The following GAS7 variants were observed in gnomAD, a reference collection of about 807,000 sequenced individuals.
GAS7 encodes growth arrest specific 7, also known as growth arrest-specific protein 7.
In GAS7, 28 loss-of-function variants were observed where a neutral mutation model predicts 71.1. That is an observed-to-expected ratio of 0.39 (90% confidence interval 0.29 to 0.54). The LOEUF (loss-of-function observed/expected upper bound fraction) is 0.54. GAS7 is among the 20% of genes least tolerant of loss of function. The pLI, the probability that GAS7 is intolerant of heterozygous loss-of-function variation, is 0.62. For synonymous variants in GAS7, 258 were observed against 245.8 expected, an observed-to-expected ratio of 1.05 and a Z score of -0.46; for missense variants, 436 against 627.8, an observed-to-expected ratio of 0.69 and a Z score of 3.27.
At chr17:10,052,724 A>G (rs944903927) in intron 1 of GAS7, among the ~76,000 whole-genome samples, 1 of 152,022 alleles carries the variant, frequency 6.6e-6, no homozygotes. Flanking sequence ...TGGGAGCTTG[A>G]GTTCAACTCT....
At chr17:10,109,450 C>G (rs925058534) in intron 1 of GAS7, among the ~76,000 whole-genome samples, 1 of 152,142 alleles carries the variant, frequency 6.6e-6, no homozygotes, top group African/African-American at 2.4e-5. Flanking sequence ...ATAACAGATA[C>G]TGCCAAGGAT....
chr17:10,183,766 C>T (rs60089575), intron 1 of GAS7, among the ~76,000 whole-genome samples: 8,754 of 152,006 alleles, frequency 0.058, 430 homozygotes, highest in East Asian at 0.17. Context: ...GGCGTGAACC[C>T]AGGAGGCGGA....
At chr17:10,144,448 C>T (rs191679890) in intron 1 of GAS7, among the ~76,000 whole-genome samples, 37 of 152,270 alleles carry the variant, frequency 2.4e-4, no homozygotes, top group Non-Finnish European at 4.3e-4. Flanking sequence ...TAAGATCAAC[C>T]CAAAATGAGT....
chr17:10,181,064 C>T (rs1346232492), intron 1 of GAS7, among the ~76,000 whole-genome samples: 6 of 65,926 alleles, frequency 9.1e-5, no homozygotes, highest in Non-Finnish European at 1.8e-4. Flanking sequence ...TGGGGGGTGG[C>T]AGTGCGGGGG....
At chr17:9,935,393 G>C (rs554266386) in intron 8 of GAS7, among the ~76,000 whole-genome samples, 423 of 152,326 alleles carry the variant, frequency 2.8e-3, no homozygotes, top group Middle Eastern at 0.014. Context: ...ATGATTTGGA[G>C]CTCTTTAACC....
intron 1 of GAS7, among the ~76,000 whole-genome samples, chr17:10,024,633 A>G (rs1020695988): frequency 6.6e-6 from 1 of 152,210 alleles, no homozygotes; most frequent in Non-Finnish European, 1.5e-5. Context: ...GGAAGGGACC[A>G]TCCCTTGGCC....
chr17:10,030,134 A>C (rs890806609), intron 1 of GAS7, among the ~76,000 whole-genome samples: 1 of 152,082 alleles, frequency 6.6e-6, no homozygotes, highest in African/African-American at 2.4e-5. Flanking sequence ...AACACAACAG[A>C]GGGAAGGGGC....
intron 4 of GAS7, among the ~76,000 whole-genome samples, chr17:9,961,181 T>A (rs1365792732): frequency 5.3e-5 from 8 of 152,176 alleles, no homozygotes; most frequent in African/African-American, 1.9e-4. Context: ...CCCAACGGGC[T>A]CCTGGCCAAC....
At chr17:9,947,613 G>A (rs1041087740) in intron 5 of GAS7, among the ~76,000 whole-genome samples, 5 of 152,092 alleles carry the variant, frequency 3.3e-5, no homozygotes, top group South Asian at 4.2e-4. Context: ...GCGTAGTGGC[G>A]CATGCGTGTA....
At chr17:10,187,145 C>A (rs553602663) in intron 1 of GAS7, among the ~76,000 whole-genome samples, 2 of 152,250 alleles carry the variant, frequency 1.3e-5, no homozygotes, top group South Asian at 4.1e-4. Flanking sequence ...CAATAAAATA[C>A]CAGCAGAAGT....
intron 1 of GAS7, among the ~76,000 whole-genome samples, chr17:10,178,210 T>G (rs181333932): frequency 6.6e-6 from 1 of 152,298 alleles, no homozygotes; most frequent in East Asian, 1.9e-4. Context: ...TCAGCTCCCC[T>G]GCCTCTCCCA....
intron 1 of GAS7, among the ~76,000 whole-genome samples, chr17:10,123,742 T>A (rs549279104): frequency 1.3e-5 from 2 of 152,218 alleles, no homozygotes; most frequent in East Asian, 1.9e-4. Flanking sequence ...TAGACACCAG[T>A]GGCTGGAGGA....
At chr17:9,962,239 TACACACACAC>T (rs58521200) in intron 4 of GAS7, among the ~76,000 whole-genome samples, 14 of 148,614 alleles carry the variant, frequency 9.4e-5, no homozygotes, top group South Asian at 2.1e-4. Flanking sequence ...GTGCATTTTA[TACACACACAC>T]ACACACACAC....
intron 11 of GAS7, among the ~76,000 whole-genome samples, chr17:9,923,765 A>C (rs2067902857): frequency 6.6e-6 from 1 of 152,202 alleles, no homozygotes; most frequent in Admixed American, 6.5e-5. Context: ...TGACTCAGCA[A>C]CTATATTCTC....
chr17:10,134,657 C>A (rs1261811618), intron 1 of GAS7, among the ~76,000 whole-genome samples: 1 of 152,132 alleles, frequency 6.6e-6, no homozygotes, highest in African/African-American at 2.4e-5. Context: ...GGGTTCTTGG[C>A]TTCCCCCAGG....
chr17:9,951,138 G>C (rs2152103634), intron 5 of GAS7, among the ~76,000 whole-genome samples: 1 of 152,308 alleles, frequency 6.6e-6, no homozygotes, highest in African/African-American at 2.4e-5. Flanking sequence ...ACAAGGGACG[G>C]GTTTCAAAAG....
intron 2 of GAS7, among the ~76,000 whole-genome samples, chr17:9,989,335 T>A (rs78943502): frequency 0.014 from 2,092 of 152,214 alleles, 33 homozygotes; most frequent in East Asian, 0.045. Flanking sequence ...AATATGAATA[T>A]TATTATTATT....
intron 1 of GAS7, among the ~76,000 whole-genome samples, chr17:10,032,111 GAAAAAAAAAA>G (rs749716743): frequency 1.3e-5 from 1 of 74,758 alleles, no homozygotes; most frequent in Admixed American, 1.4e-4. Flanking sequence ...GGGAACCTCA[GAAAAAAAAAA>G]AAAAAAAAAC....
chr17:10,078,791 A>G (rs896735590), intron 1 of GAS7, among the ~76,000 whole-genome samples: 2 of 152,218 alleles, frequency 1.3e-5, no homozygotes, highest in Non-Finnish European at 2.9e-5. Flanking sequence ...GCTCATGCCT[A>G]TAATCCCAGT....
Sources: allele counts gnomAD v4.1 joint callset (sites outside exome capture counted in the v4.1 genomes callset), GRCh38; gene constraint gnomAD v4.1.1; transcripts MANE v1.5; gene names NCBI Gene and HGNC (gene_info 2026-07-23, HGNC 2026-07-21).